Variants in DNAJC24 observed in about 807,000 individuals in gnomAD.
DNAJC24 encodes DnaJ heat shock protein family (Hsp40) member C24.
In DNAJC24, 17 loss-of-function variants were observed where a neutral mutation model predicts 18.0. The ratio of observed to expected loss-of-function variants is 0.94; its 90% CI spans 0.65 to 1.42. The LOEUF (loss-of-function observed/expected upper bound fraction) is 1.42, where lower values mean the gene tolerates loss of function less well. Among genes scored for constraint, DNAJC24 ranks in the 40% most tolerant of loss-of-function variants. The probability of loss-of-function intolerance (pLI) is 0.00; values close to 1 mark genes in which losing one functional copy is unlikely to be tolerated. For synonymous variants in DNAJC24, 55 were observed against 57.7 expected (o/e 0.95, Z 0.21); for missense variants, 158 against 175.6 (o/e 0.90, Z 0.57).
chr11:31,377,075 A>G (rs1193015365), intron 2 of DNAJC24, among the ~76,000 whole-genome samples: 3 of 152,190 alleles, frequency 2.0e-5, no homozygotes, highest in African/African-American at 7.2e-5. Context: ...ACAATGTCAC[A>G]AAACAGTTGG....
At chr11:31,374,886 G>A in intron 2 of DNAJC24, among the ~76,000 whole-genome samples, 1 of 134,970 alleles carries the variant, frequency 7.4e-6, no homozygotes, top group Admixed American at 7.6e-5. Context: ...AAATTTTGGT[G>A]TCTTTTGCCT....
chr11:31,407,908 T>A (rs948002927), intron 2 of DNAJC24, among the ~76,000 whole-genome samples: 38 of 150,888 alleles, frequency 2.5e-4, no homozygotes, highest in African/African-American at 9.0e-4. Context: ...TGCCCCTCTC[T>A]TAAAAAAAAA....
rs74824679 is a variant in DNAJC24, at chr11:31,395,931, G to A, written c.112-18880G>A. Among the ~76,000 whole-genome samples, 1,189 of 152,282 alleles carry A rather than the reference G, an allele frequency of 7.8e-3. 19 individuals carry two copies. The highest frequency in any genetic ancestry group is 0.027 in the African/African-American group (1,138 of 41,562). On this transcript the variant is annotated intron_variant, in intron 2 of 4. Coordinates refer to ENST00000465995, the MANE Select transcript of DNAJC24 (RefSeq NM_181706.5). Reference sequence around the variant, plus strand: ...ATCAGTGTTGCTCCAGTTATCTCTTGTATCTTTAATTTCCCCTTTCCATTA... The same window carrying A: ...ATCAGTGTTGCTCCAGTTATCTCTTATATCTTTAATTTCCCCTTTCCATTA...
rs1344178954 is a variant in DNAJC24 at position 31,377,424 on chromosome 11, A to G, written c.111+6565A>G. Among the ~76,000 whole-genome samples the G allele has an allele frequency of 2.6e-5, 4 of 152,128 alleles. No individual in the cohort carries two copies. The East Asian group carries it at 7.7e-4, about 29-fold the overall frequency. The stretch of plus-strand genomic sequence containing the variant: ...TTTTAAAGACATTCACATACCATAC[A>G]TATTACATATTATAGACATACATAT... On this transcript the variant is annotated intron_variant, in intron 2 of 4. Transcript: ENST00000465995.
chr11:31,428,848 A>G (rs1434145783), intron 4 of DNAJC24, among the ~76,000 whole-genome samples: 1 of 152,130 alleles, frequency 6.6e-6, no homozygotes, highest in Non-Finnish European at 1.5e-5. Context: ...CAAGATGTGA[A>G]TTTTTAGTGA....
At chr11:31,404,459 T>C (rs1952634894) in intron 2 of DNAJC24, among the ~76,000 whole-genome samples, 1 of 152,190 alleles carries the variant, frequency 6.6e-6, no homozygotes. Flanking sequence ...TTGAGGGAAC[T>C]TAAGATTTTC....
intron 2 of DNAJC24, among the ~76,000 whole-genome samples, chr11:31,399,570 C>T (rs12278751): frequency 0.097 from 14,757 of 151,820 alleles, 1,992 homozygotes; most frequent in African/African-American, 0.3. Context: ...CACGCCATCA[C>T]GCCCAGCTAA....
chr11:31,377,079 C>T (rs183864839), intron 2 of DNAJC24, among the ~76,000 whole-genome samples: 24 of 152,112 alleles, frequency 1.6e-4, no homozygotes, highest in African/African-American at 5.8e-4. Context: ...TGTCACAAAA[C>T]AGTTGGAGAA....
chr11:31,380,251 AAG>A (rs774408462), intron 2 of DNAJC24, among the ~76,000 whole-genome samples: 14 of 152,204 alleles, frequency 9.2e-5, no homozygotes, highest in Non-Finnish European at 2.1e-4. Context: ...AAACTAAAGA[AAG>A]AGATTGAGGA....
In DNAJC24 at chr11:31,414,792, C is replaced by G; in HGVS notation, c.112-19C>G. 1 of 1,610,500 alleles carries G rather than the reference C, an allele frequency of 6.2e-7. No homozygotes were observed. The highest frequency in any genetic ancestry group is 8.5e-7 in the Non-Finnish European group (1 of 1,178,110). ...AGCTCTCTCTACTCACCCCCTGCACCCTTCTTTTTGATTGGCAGTATCATC... is the reference window on the plus strand; with the variant it reads ...AGCTCTCTCTACTCACCCCCTGCACGCTTCTTTTTGATTGGCAGTATCATC... On this transcript the variant is annotated intron_variant, in intron 2 of 4. Transcript: ENST00000465995.
intron 2 of DNAJC24, among the ~76,000 whole-genome samples, chr11:31,398,599 A>AT (rs1188855474): frequency 6.6e-6 from 1 of 152,206 alleles, no homozygotes; most frequent in East Asian, 1.9e-4. Context: ...AATCTGTGAC[A>AT]TTTTCTTTCT....
intron 2 of DNAJC24, among the ~76,000 whole-genome samples, chr11:31,395,704 G>A (rs1015730798): frequency 2.6e-5 from 4 of 152,130 alleles, no homozygotes; most frequent in South Asian, 2.1e-4. Flanking sequence ...GTCTTGTAAC[G>A]TGTCAGGCAC....
intron 2 of DNAJC24, among the ~76,000 whole-genome samples, chr11:31,386,726 A>C (rs1176761003): frequency 1.3e-5 from 2 of 152,142 alleles, no homozygotes; most frequent in Non-Finnish European, 2.9e-5. Context: ...AGAGACAAGT[A>C]AAGGGACTTT....
At chr11:31,389,214 T>G (rs1198502001) in intron 2 of DNAJC24, among the ~76,000 whole-genome samples, 1 of 152,108 alleles carries the variant, frequency 6.6e-6, no homozygotes, top group Non-Finnish European at 1.5e-5. Flanking sequence ...AAATACTGGC[T>G]GAATGAATTA....
At chr11:31,395,142 C>T (rs1021924411) in intron 2 of DNAJC24, among the ~76,000 whole-genome samples, 5 of 152,192 alleles carry the variant, frequency 3.3e-5, no homozygotes, top group African/African-American at 7.2e-5. Flanking sequence ...ACTTGGTTTT[C>T]TGTTCTTGTA....
intron 3 of DNAJC24, chr11:31,416,208 CAAA>C (rs1952750256): frequency 6.6e-6 from 1 of 152,054 alleles, no homozygotes; most frequent in African/African-American, 2.4e-5. Context: ...GGTTAATTTT[CAAA>C]AATGGCTTGA....
At chr11:31,424,461 G>A (rs959094361) in intron 3 of DNAJC24, among the ~76,000 whole-genome samples, 3 of 152,082 alleles carry the variant, frequency 2.0e-5, no homozygotes, top group African/African-American at 7.2e-5. Context: ...TAAGATTTTT[G>A]TCCCCACTCA....
chr11:31,399,817 A>G (rs981925941), intron 2 of DNAJC24, among the ~76,000 whole-genome samples: 26 of 140,132 alleles, frequency 1.9e-4, no homozygotes, highest in African/African-American at 7.1e-4. Context: ...ATAGGTATAC[A>G]TGTGCCATGG....
At chr11:31,371,743 C>T (rs767851366) in intron 2 of DNAJC24, among the ~76,000 whole-genome samples, 1 of 150,094 alleles carries the variant, frequency 6.7e-6, no homozygotes, top group Non-Finnish European at 1.5e-5. Context: ...ATGTAGCCGG[C>T]ATTTATACTT....
Sources: allele counts gnomAD v4.1 joint callset (sites outside exome capture counted in the v4.1 genomes callset), GRCh38; gene constraint gnomAD v4.1.1; transcripts MANE v1.5; gene names NCBI Gene and HGNC (gene_info 2026-07-23, HGNC 2026-07-21).